SEMA3C: variants seen among roughly 807,000 people sequenced by gnomAD.
SEMA3C encodes semaphorin 3C, also known as semaphorin-3C.
SEMA3C carries 47 observed loss-of-function variants against 89.4 expected under a neutral mutation model. That is an observed-to-expected ratio of 0.53 (90% confidence interval 0.42 to 0.67). The LOEUF (loss-of-function observed/expected upper bound fraction) is 0.67, where lower values mean the gene tolerates loss of function less well. Among genes scored for constraint, SEMA3C ranks in the 30% least tolerant of loss-of-function variants. The pLI, the probability that SEMA3C is intolerant of heterozygous loss-of-function variation, is 0.00. For missense variants in SEMA3C, 839 were observed against 929.1 expected (o/e 0.90, Z 1.26); for synonymous variants, 310 against 320.2 (o/e 0.97, Z 0.34).
intron 2 of SEMA3C, among the ~76,000 whole-genome samples, chr7:80,908,452 A>G (rs1480201178): frequency 6.6e-6 from 1 of 152,196 alleles, no homozygotes; most frequent in Non-Finnish European, 1.5e-5. Context: ...ATTAAAGACT[A>G]CATTTCATAT....
At chr7:80,911,062 C>T (rs1019473313) in intron 2 of SEMA3C, among the ~76,000 whole-genome samples, 74 of 152,004 alleles carry the variant, frequency 4.9e-4, no homozygotes, top group Admixed American at 4.5e-3. Flanking sequence ...TTCCCCTCAT[C>T]TTCACCTTGA....
chr7:80,881,164 A>C (rs990059256), intron 2 of SEMA3C, among the ~76,000 whole-genome samples: 9 of 135,434 alleles, frequency 6.6e-5, no homozygotes, highest in Non-Finnish European at 9.7e-5. Context: ...TGGAGAAAGA[A>C]ACACACACAC....
At chr7:80,787,393 A>T in intron 12 of SEMA3C, among the ~76,000 whole-genome samples, 1 of 143,730 alleles carries the variant, frequency 7.0e-6, no homozygotes, top group African/African-American at 2.5e-5. Context: ...CTCCGTTTAA[A>T]AAAAAAAAAA....
At chr7:80,822,387 A>T (rs1026445656) in intron 4 of SEMA3C, among the ~76,000 whole-genome samples, 16 of 142,764 alleles carry the variant, frequency 1.1e-4, no homozygotes, top group African/African-American at 3.9e-4. Flanking sequence ...GCAAAAAAAA[A>T]TAAATAAATA....
intron 10 of SEMA3C, among the ~76,000 whole-genome samples, chr7:80,798,841 T>C (rs189104102): frequency 4.6e-5 from 7 of 152,328 alleles, no homozygotes; most frequent in Admixed American, 4.6e-4. Context: ...TTTGAATCTT[T>C]AGTAAGAAAT....
chr7:80,796,278 A>G (rs989989648), intron 11 of SEMA3C: 6 of 152,234 alleles, frequency 3.9e-5, no homozygotes, highest in Non-Finnish European at 7.3e-5. Flanking sequence ...GAGTAAAATA[A>G]TAACAGCCTT....
intron 3 of SEMA3C, among the ~76,000 whole-genome samples, chr7:80,828,343 C>T: frequency 6.6e-6 from 1 of 151,946 alleles, no homozygotes; most frequent in East Asian, 1.9e-4. Context: ...TATATTTATA[C>T]ACAGGTAGTA....
In SEMA3C at chr7:80,802,656, T is replaced by A; in HGVS notation, c.916+9A>T. 6.3e-7 allele frequency: 1 copy of A among 1,584,342 alleles called. No individual in the cohort carries two copies. The highest frequency in any genetic ancestry group is 8.7e-7 in the Non-Finnish European group (1 of 1,153,358). ...TTCAGAAGCATTTTTCAATCTCATA[T>A]GTATGTACCTAATTCATCAAAGTGT... On this transcript the variant is annotated intron_variant, in intron 9 of 17. Transcript: ENST00000265361.
At chr7:80,845,300 T>A (rs1384392403) in intron 2 of SEMA3C, among the ~76,000 whole-genome samples, 1 of 136,316 alleles carries the variant, frequency 7.3e-6, no homozygotes, top group African/African-American at 3.1e-5. Context: ...GTGTCATCTT[T>A]CACTTTTTTT....
At chr7:80,821,810 T>G (rs1387197833) in intron 4 of SEMA3C, among the ~76,000 whole-genome samples, 1 of 152,148 alleles carries the variant, frequency 6.6e-6, no homozygotes, top group Non-Finnish European at 1.5e-5. Context: ...AGAGGTTAAA[T>G]AAAGAGTTCT....
chr7:80,763,701 G>A (rs917327111), intron 13 of SEMA3C, among the ~76,000 whole-genome samples: 3 of 152,114 alleles, frequency 2.0e-5, no homozygotes, highest in Non-Finnish European at 4.4e-5. Flanking sequence ...TAAAAATGAA[G>A]TGCTGCTATA....
chr7:80,792,215 C>A (rs536240257), intron 11 of SEMA3C, among the ~76,000 whole-genome samples: 71 of 152,276 alleles, frequency 4.7e-4, no homozygotes, highest in Middle Eastern at 3.4e-3. Context: ...TGAGGTTGTT[C>A]TAAGCTGATG....
intron 17 of SEMA3C, among the ~76,000 whole-genome samples, chr7:80,746,131 T>C (rs1473492299): frequency 6.6e-6 from 1 of 152,138 alleles, no homozygotes; most frequent in Non-Finnish European, 1.5e-5. Flanking sequence ...TAGAATACTC[T>C]TTCATTGAAG....
At chr7:80,798,456 T>C (rs1789119514) in intron 10 of SEMA3C, among the ~76,000 whole-genome samples, 1 of 152,148 alleles carries the variant, frequency 6.6e-6, no homozygotes, top group Non-Finnish European at 1.5e-5. Flanking sequence ...AGACAATAAG[T>C]TATAGTAAAG....
In SEMA3C at chr7:80,743,747, A is replaced by G. The variant is rs1787734286; in HGVS notation, c.*1147T>C. The stretch of plus-strand genomic sequence containing the variant: ...TTAGAGACCAGTGAACGTATGTACC[A>G]TTACCTTTTGAAAGACAGAATGTCT... On this transcript the variant is annotated 3_prime_UTR_variant, in exon 18 of 18. Coordinates refer to ENST00000265361, the MANE Select transcript of SEMA3C (RefSeq NM_006379.5). The G allele has an allele frequency of 2.0e-5, 3 of 151,808 alleles. No homozygotes were observed. The highest frequency in any genetic ancestry group is 7.3e-5 in the African/African-American group (3 of 41,248). The allele number at this position is 151,808 out of a possible 1,614,324, so 9.4% of individuals were successfully genotyped here. A position where few individuals can be genotyped will look rare whatever the true frequency, so the allele number is the denominator to read the frequency against.
intron 1 of SEMA3C, among the ~76,000 whole-genome samples, chr7:80,917,037 T>C (rs1303121117): frequency 2.0e-5 from 3 of 152,188 alleles, no homozygotes; most frequent in African/African-American, 7.2e-5. Context: ...GAAACTTTCA[T>C]CTTCCAGCAA....
chr7:80,789,957 T>C (rs920620193), intron 11 of SEMA3C, among the ~76,000 whole-genome samples: 1 of 152,128 alleles, frequency 6.6e-6, no homozygotes, highest in Non-Finnish European at 1.5e-5. Flanking sequence ...AAAAGTTTTA[T>C]TTCATCTGAT....
intron 5 of SEMA3C, among the ~76,000 whole-genome samples, chr7:80,814,300 G>A (rs1275144236): frequency 6.6e-6 from 1 of 151,942 alleles, no homozygotes; most frequent in Non-Finnish European, 1.5e-5. Context: ...ATGTTAGCCA[G>A]GATGGTCTTG....
intron 2 of SEMA3C, among the ~76,000 whole-genome samples, chr7:80,849,834 T>G (rs899745131): frequency 6.6e-6 from 1 of 152,164 alleles, no homozygotes; most frequent in Non-Finnish European, 1.5e-5. Flanking sequence ...TTCATTTATA[T>G]AACACTACCA....
Sources: gnomAD v4.1 joint callset for allele counts (sites outside exome capture counted in the v4.1 genomes callset) on GRCh38, gnomAD v4.1.1 for gene constraint, MANE v1.5 for transcripts, NCBI Gene and HGNC (gene_info 2026-07-23, HGNC 2026-07-21) for gene names.